The following LARGE1 variants were observed in gnomAD, a reference collection of about 807,000 sequenced individuals.
LARGE1 encodes the protein LARGE xylosyl- and glucuronyltransferase 1.
In LARGE1, 43 loss-of-function variants were observed where a neutral mutation model predicts 87.6. The ratio of observed to expected loss-of-function variants is 0.49; its 90% CI spans 0.38 to 0.63. LARGE1 has a LOEUF of 0.63. LARGE1 is among the 30% of genes least tolerant of loss of function. The pLI, the probability that LARGE1 is intolerant of heterozygous loss-of-function variation, is 0.00. For missense variants in LARGE1, 802 were observed against 1,000.2 expected (o/e 0.80, Z 2.67); for synonymous variants, 434 against 394.6 (o/e 1.10, Z -1.18).
At chr22:33,236,178 C>A (rs536989673) in intron 11 of LARGE1, among the ~76,000 whole-genome samples, 2 of 152,304 alleles carry the variant, frequency 1.3e-5, no homozygotes, top group East Asian at 3.9e-4. Flanking sequence ...AACTTCTGAC[C>A]TCCAGAACTG....
intron 12 of LARGE1, among the ~76,000 whole-genome samples, chr22:33,290,230 G>C (rs1318481614): frequency 6.6e-6 from 1 of 152,040 alleles, no homozygotes; most frequent in Admixed American, 6.6e-5. Context: ...CCTGTAACCA[G>C]GGAAACAGCC....
intron 7 of LARGE1, among the ~76,000 whole-genome samples, chr22:33,388,560 G>T (rs964257322): frequency 6.6e-6 from 1 of 151,936 alleles, no homozygotes; most frequent in African/African-American, 2.4e-5. Context: ...AATCTCATGG[G>T]CTTTTTAAAT....
At chr22:33,330,377 T>C (rs555430676) in intron 10 of LARGE1, among the ~76,000 whole-genome samples, 2 of 152,230 alleles carry the variant, frequency 1.3e-5, no homozygotes, top group South Asian at 4.2e-4. Context: ...GGCTGGAGTA[T>C]AGCGGATCGA....
At chr22:33,579,585 C>A (rs1398871417) in intron 5 of LARGE1, among the ~76,000 whole-genome samples, 1 of 152,124 alleles carries the variant, frequency 6.6e-6, no homozygotes, top group Non-Finnish European at 1.5e-5. Flanking sequence ...CAGCCCCAGC[C>A]CAGGGCTGGC....
At chr22:33,649,688 T>C (rs555512148) in intron 3 of LARGE1, among the ~76,000 whole-genome samples, 2 of 152,222 alleles carry the variant, frequency 1.3e-5, no homozygotes, top group South Asian at 4.2e-4. Flanking sequence ...TTCCTATGAA[T>C]AGGCATGCCC....
At position 33,565,031 on chromosome 22, in the gene LARGE1, A is replaced by T; in HGVS notation, c.616-12T>A. 1 of 1,613,380 alleles carries T rather than the reference A, an allele frequency of 6.2e-7. No individual in the cohort carries two copies. The highest frequency in any genetic ancestry group is 8.5e-7 in the Non-Finnish European group (1 of 1,179,264). The stretch of plus-strand genomic sequence containing the variant: ...CAGGAAACTTCAGACTAGACAGAAC[A>T]AGGCAGAGAGAGAGTTGGAGAAAGG... On this transcript the variant is annotated splice_polypyrimidine_tract_variant and intron_variant, in intron 5 of 14. Coordinates refer to ENST00000397394, the MANE Select transcript of LARGE1 (RefSeq NM_133642.5).
At chr22:33,109,766 C>A in the LARGE1 span, among the ~76,000 whole-genome samples, 8 of 152,090 alleles carry the variant, frequency 5.3e-5, no homozygotes, top group Admixed American at 4.6e-4. Flanking sequence ...GTCCTCCCTG[C>A]AATAATGAGT....
At chr22:33,533,150 C>A (rs2076945582) in intron 6 of LARGE1, among the ~76,000 whole-genome samples, 1 of 152,214 alleles carries the variant, frequency 6.6e-6, no homozygotes, top group Non-Finnish European at 1.5e-5. Context: ...AAGGGCCAGC[C>A]ACTAACAATG....
At chr22:33,467,534 T>G (rs1336327890) in intron 6 of LARGE1, among the ~76,000 whole-genome samples, 1 of 152,226 alleles carries the variant, frequency 6.6e-6, no homozygotes, top group African/African-American at 2.4e-5. Context: ...ATTAAGTAGA[T>G]GTGTTGATGT....
chr22:33,909,530 T>TTTTTTG (rs899457201), intron 1 of LARGE1, among the ~76,000 whole-genome samples: 8 of 150,888 alleles, frequency 5.3e-5, no homozygotes, highest in African/African-American at 7.4e-5. Flanking sequence ...TTGTTTTTTT[T>TTTTTTG]TTTTTGTTTT....
intron 6 of LARGE1, among the ~76,000 whole-genome samples, chr22:33,496,264 C>T (rs754647895): frequency 1.3e-5 from 2 of 152,138 alleles, no homozygotes; most frequent in Non-Finnish European, 2.9e-5. Context: ...CTTTCCTAGT[C>T]CACTGACTCA....
chr22:33,785,744 A>G (rs1337917768), intron 1 of LARGE1, among the ~76,000 whole-genome samples: 1 of 152,204 alleles, frequency 6.6e-6, no homozygotes, highest in Non-Finnish European at 1.5e-5. Flanking sequence ...TTCTAAGTTC[A>G]TTAGCAGCTG....
At chr22:33,296,254 T>C (rs1247459774) in intron 12 of LARGE1, among the ~76,000 whole-genome samples, 2 of 152,228 alleles carry the variant, frequency 1.3e-5, no homozygotes, top group African/African-American at 4.8e-5. Flanking sequence ...CCCACTTGCA[T>C]GGACACTCAC....
the LARGE1 span, among the ~76,000 whole-genome samples, chr22:33,152,672 C>A: frequency 1.3e-5 from 2 of 152,004 alleles, no homozygotes; most frequent in Admixed American, 1.3e-4. Flanking sequence ...ATGTGCAATG[C>A]ATGATAATCG....
chr22:33,893,997 C>T (rs760043578), intron 1 of LARGE1, among the ~76,000 whole-genome samples: 2 of 152,096 alleles, frequency 1.3e-5, no homozygotes, highest in Non-Finnish European at 2.9e-5. Context: ...ATGAGCAGGC[C>T]TCACTGGGTC....
intron 1 of LARGE1, among the ~76,000 whole-genome samples, chr22:33,837,255 T>TACACAC (rs1479225932): frequency 1.2e-5 from 1 of 84,522 alleles, no homozygotes; most frequent in African/African-American, 4.7e-5. Context: ...GAGTATTACA[T>TACACAC]ATACACACAC....
At chr22:33,665,425 G>A (rs891435858) in intron 2 of LARGE1, among the ~76,000 whole-genome samples, 8 of 152,176 alleles carry the variant, frequency 5.3e-5, no homozygotes, top group African/African-American at 1.9e-4. Flanking sequence ...AATCAAGAAC[G>A]CAGGTGAATA....
chr22:33,776,474 A>G (rs453075), intron 1 of LARGE1, among the ~76,000 whole-genome samples: 110,599 of 152,222 alleles, frequency 0.73, 40,602 homozygotes, highest in African/African-American at 0.8. Context: ...ATTCTTCCCA[A>G]GGTCAGACTA....
chr22:33,447,972 C>T (rs2067755833), intron 6 of LARGE1, among the ~76,000 whole-genome samples: 1 of 152,018 alleles, frequency 6.6e-6, no homozygotes. Context: ...GGGAAAGATG[C>T]CAGACACAAA....
Sources: allele counts gnomAD v4.1 joint callset (sites outside exome capture counted in the v4.1 genomes callset), GRCh38; gene constraint gnomAD v4.1.1; transcripts MANE v1.5; gene names NCBI Gene and HGNC (gene_info 2026-07-23, HGNC 2026-07-21).